INSYN2B: variants seen among roughly 807,000 people sequenced by gnomAD.
The protein encoded by INSYN2B is inhibitory synaptic factor family member 2B, also known as protein INSYN2B.
In INSYN2B, 16 loss-of-function variants were observed where a neutral mutation model predicts 41.2. The observed-to-expected ratio is 0.39, with a 90% CI of 0.26 to 0.59. The LOEUF (loss-of-function observed/expected upper bound fraction) is 0.59, where lower values mean the gene tolerates loss of function less well. INSYN2B is among the 20% of genes least tolerant of loss of function. The pLI is 0.57. For missense variants in INSYN2B, 608 were observed against 646.4 expected (o/e 0.94, Z 0.64); for synonymous variants, 245 against 244.4 (o/e 1.00, Z -0.02).
chr5:169,936,023 C>T (rs1373450995), intron 1 of INSYN2B, among the ~76,000 whole-genome samples: 6 of 152,026 alleles, frequency 3.9e-5, no homozygotes, highest in Non-Finnish European at 7.4e-5. Flanking sequence ...GGTGGCATGG[C>T]GGTGGGGGGA....
At chr5:169,897,088 A>G (rs952115050) in intron 1 of INSYN2B, among the ~76,000 whole-genome samples, 3 of 152,226 alleles carry the variant, frequency 2.0e-5, no homozygotes, top group African/African-American at 7.2e-5. Flanking sequence ...AATATTTATT[A>G]TGAATTTATT....
At chr5:169,943,657 T>A (rs189329025) in intron 1 of INSYN2B, among the ~76,000 whole-genome samples, 1 of 152,304 alleles carries the variant, frequency 6.6e-6, no homozygotes, top group Non-Finnish European at 1.5e-5. Flanking sequence ...AGTTTGCAGA[T>A]CTGGGGGCAG....
In INSYN2B at chr5:169,863,717, C is replaced by G. The variant is rs562496621; in HGVS notation, c.*556G>C. 4.5e-4 allele frequency among the ~76,000 whole-genome samples: 68 copies of G among 152,356 alleles called. No individual in the cohort carries two copies. The highest frequency in any genetic ancestry group is 1.6e-3 in the African/African-American group (68 of 41,586). On this transcript the variant is annotated 3_prime_UTR_variant, in exon 4 of 4. Transcript: ENST00000377365. Reference sequence around the variant, plus strand: ...GGGCTAATTAAAAAGGAAAACAACCCAACACACCAGGGTGATCTTGCATAA... The same window carrying G: ...GGGCTAATTAAAAAGGAAAACAACCGAACACACCAGGGTGATCTTGCATAA...
intron 3 of INSYN2B, among the ~76,000 whole-genome samples, chr5:169,875,042 T>C (rs1772232299): frequency 6.6e-6 from 1 of 152,054 alleles, no homozygotes; most frequent in South Asian, 2.1e-4. Flanking sequence ...AGCAGAAAGG[T>C]AATTCATCTT....
At chr5:169,925,300 C>T (rs1212283132) in intron 1 of INSYN2B, among the ~76,000 whole-genome samples, 1 of 152,086 alleles carries the variant, frequency 6.6e-6, no homozygotes, top group Non-Finnish European at 1.5e-5. Flanking sequence ...GCAGGTAAGA[C>T]CCTAGGACAG....
intron 1 of INSYN2B, among the ~76,000 whole-genome samples, chr5:169,935,820 C>G (rs13153416): frequency 6.6e-6 from 1 of 152,098 alleles, no homozygotes; most frequent in Non-Finnish European, 1.5e-5. Flanking sequence ...TCTGGTAGAA[C>G]GAGACATTAT....
At chr5:169,907,910 C>T (rs6871299) in intron 1 of INSYN2B, among the ~76,000 whole-genome samples, 51,958 of 152,040 alleles carry the variant, frequency 0.34, 9,593 homozygotes, top group South Asian at 0.41. Context: ...TTGGCCAGTC[C>T]GTGTCGGTAA....
At position 169,917,382 on chromosome 5, in the gene INSYN2B, G is replaced by T. The variant is rs556674374; in HGVS notation, c.-918-32566C>A. Among the ~76,000 whole-genome samples, 85 of 152,162 alleles carry T rather than the reference G, an allele frequency of 5.6e-4. 1 individual carries two copies. Among genetic ancestry groups the T allele is most frequent in the Non-Finnish European group, 1.0e-3 (68 of 68,016 alleles). On this transcript the variant is annotated intron_variant, in intron 1 of 3. Coordinates refer to ENST00000377365, the MANE Select transcript of INSYN2B (RefSeq NM_001129891.3). ...ACACCAGTAGCCCTCATTGCTTAGA[G>T]ATTTTTTTCCAGTAGTAAAAATAGG...
In INSYN2B at chr5:169,883,374, G is replaced by A; in HGVS notation, c.525C>T (p.Pro175=). The A allele has an allele frequency of 6.4e-7, 1 of 1,551,638 alleles. No homozygotes were observed. The highest frequency in any genetic ancestry group is 8.7e-7 in the Non-Finnish European group (1 of 1,146,954). ...KVSHAFLPRV[P]KVQSNGPVSI... is the part of the protein sequence containing the mutation. ...TAACAGGACCATTGCTTTGCACCTTGGGGACCCTTGGGAGGAATGCATGGG... is the reference window on the plus strand; with the variant it reads ...TAACAGGACCATTGCTTTGCACCTTAGGGACCCTTGGGAGGAATGCATGGG... Residue 175 remains proline (P), a synonymous_variant, in exon 2 of 4, where the codon CCC becomes CCT. Coordinates refer to ENST00000377365, the MANE Select transcript of INSYN2B (RefSeq NM_001129891.3).
At chr5:169,907,166 G>A (rs896705700) in intron 1 of INSYN2B, among the ~76,000 whole-genome samples, 7 of 152,196 alleles carry the variant, frequency 4.6e-5, no homozygotes, top group African/African-American at 1.7e-4. Flanking sequence ...GATGGCTGCT[G>A]AGGCATTTTG....
chr5:169,903,735 G>A lies in INSYN2B; in HGVS notation c.-918-18919C>T, dbSNP rs138491262. Among the ~76,000 whole-genome samples the A allele has an allele frequency of 1.4e-3, 218 of 152,240 alleles. 4 individuals carry two copies. The South Asian group carries it at 0.036, about 25-fold the overall frequency. ...AAGAAGTAAGTTTGGAGAAAGGTGG[G>A]TGAGAGCTCGGTCACTGTAGCAGGA... On this transcript the variant is annotated intron_variant, in intron 1 of 3. Coordinates refer to ENST00000377365, the MANE Select transcript of INSYN2B (RefSeq NM_001129891.3).
intron 1 of INSYN2B, among the ~76,000 whole-genome samples, chr5:169,911,617 A>G (rs1774604754): frequency 6.6e-6 from 1 of 152,228 alleles, no homozygotes; most frequent in Non-Finnish European, 1.5e-5. Flanking sequence ...GTGGTGCTAA[A>G]TCAATACTCA....
At chr5:169,937,570 T>C (rs1292453416) in intron 1 of INSYN2B, among the ~76,000 whole-genome samples, 1 of 152,280 alleles carries the variant, frequency 6.6e-6, no homozygotes, top group African/African-American at 2.4e-5. Flanking sequence ...TTATATGTTC[T>C]AGACTCTGTG....
At chr5:169,885,610 AG>A (rs1772927929) in intron 1 of INSYN2B, among the ~76,000 whole-genome samples, 1 of 152,232 alleles carries the variant, frequency 6.6e-6, no homozygotes, top group Admixed American at 6.5e-5. Context: ...CCATTTATTG[AG>A]CACATACTTT....
At chr5:169,880,563 GCTT>G (rs1772581435) in intron 3 of INSYN2B, among the ~76,000 whole-genome samples, 1 of 152,204 alleles carries the variant, frequency 6.6e-6, no homozygotes, top group Non-Finnish European at 1.5e-5. Flanking sequence ...TGGAAAGTGG[GCTT>G]CCAGCTAAGG....
rs36216194 is a variant in INSYN2B at position 169,898,528 on chromosome 5, A to AAACAAC, written c.-918-13718_-918-13713dup. On this transcript the variant is annotated intron_variant, in intron 1 of 3. Coordinates refer to ENST00000377365, the MANE Select transcript of INSYN2B (RefSeq NM_001129891.3). Reference sequence around the variant, plus strand: ...TCCTCTACATGCACACACACACACAAAACAACAACAACAACAACAACAACA... The same window carrying AAACAAC: ...TCCTCTACATGCACACACACACACAAAACAACAACAACAACAACAACAACAACAACA... 9.1e-3 allele frequency among the ~76,000 whole-genome samples: 1,371 copies of AAACAAC among 151,240 alleles called. 22 individuals carry two copies. Among genetic ancestry groups the AAACAAC allele is most frequent in the South Asian group, 0.078 (371 of 4,772 alleles).
chr5:169,868,298 C>G (rs955688525), intron 3 of INSYN2B, among the ~76,000 whole-genome samples: 7 of 152,202 alleles, frequency 4.6e-5, no homozygotes, highest in African/African-American at 9.7e-5. Context: ...CTCCTACTTT[C>G]CAATTCTTCA....
rs576183648 is a variant in INSYN2B at position 169,953,332 on chromosome 5, C to CAA, written c.-919+26943_-919+26944dup. Among the ~76,000 whole-genome samples, 374 of 123,434 alleles carry CAA rather than the reference C, an allele frequency of 3.0e-3. 1 individual carries two copies. Among genetic ancestry groups the CAA allele is most frequent in the East Asian group, 0.017 (75 of 4,430 alleles). 81.0% of individuals were successfully genotyped at this position (123,434 alleles called of 152,430 possible). A position where few individuals can be genotyped will look rare whatever the true frequency, so the allele number is the denominator to read the frequency against. ...TGGGTGACAGAGCAAGACTCTATCT[C>CAA]AAAAAAAAAAAAAAAAGAGAGAGAG... On this transcript the variant is annotated intron_variant, in intron 1 of 3. Transcript: ENST00000377365.
intron 3 of INSYN2B, among the ~76,000 whole-genome samples, chr5:169,878,347 C>T (rs1723130820): frequency 6.6e-6 from 1 of 152,188 alleles, no homozygotes; most frequent in South Asian, 2.1e-4. Context: ...AATCCATTCG[C>T]TTTTTAAATT....
Sources: gnomAD v4.1 joint callset for allele counts (sites outside exome capture counted in the v4.1 genomes callset) on GRCh38, gnomAD v4.1.1 for gene constraint, MANE v1.5 for transcripts, NCBI Gene and HGNC (gene_info 2026-07-23, HGNC 2026-07-21) for gene names.